The following LIMCH1 variants were observed in gnomAD, a reference collection of about 807,000 sequenced individuals.
LIMCH1 encodes LIM and calponin homology domains 1.
LIMCH1 carries 113 observed loss-of-function variants against 176.5 expected under a neutral mutation model. The observed-to-expected ratio is 0.64, with a 90% CI of 0.55 to 0.75. LIMCH1 has a LOEUF of 0.75. Ranked by LOEUF, LIMCH1 falls within the 30% of genes least tolerant of loss-of-function variation. The probability of loss-of-function intolerance (pLI) is 0.00; values close to 1 mark genes in which losing one functional copy is unlikely to be tolerated. For missense variants in LIMCH1, 1,674 were observed against 1,814.9 expected (o/e 0.92, Z 1.41); for synonymous variants, 619 against 645.9 (o/e 0.96, Z 0.63).
intron 1 of LIMCH1, among the ~76,000 whole-genome samples, chr4:41,489,669 TA>T (rs1561525468): frequency 8.5e-5 from 13 of 152,054 alleles, no homozygotes; most frequent in African/African-American, 4.8e-5. Context: ...TTCTTTTTTT[TA>T]TTTTTTTATT....
intron 1 of LIMCH1, among the ~76,000 whole-genome samples, chr4:41,373,206 G>C (rs751493003): frequency 2.6e-5 from 4 of 152,218 alleles, no homozygotes; most frequent in Non-Finnish European, 5.9e-5. Context: ...TATGTAAGCT[G>C]AGACCCCAAG....
At chr4:41,495,332 G>A (rs2071913969) in intron 2 of LIMCH1, among the ~76,000 whole-genome samples, 1 of 152,114 alleles carries the variant, frequency 6.6e-6, no homozygotes, top group Non-Finnish European at 1.5e-5. Flanking sequence ...GAAACACACA[G>A]CTCCTAACTG....
intron 1 of LIMCH1, among the ~76,000 whole-genome samples, chr4:41,372,730 A>G (rs1024919426): frequency 1.3e-5 from 2 of 151,998 alleles, no homozygotes; most frequent in African/African-American, 4.8e-5. Context: ...TTTCTGATCC[A>G]TTTTTCTTTG....
At chr4:41,663,467 C>T (rs2094704031) in intron 20 of LIMCH1, among the ~76,000 whole-genome samples, 1 of 152,164 alleles carries the variant, frequency 6.6e-6, no homozygotes, top group South Asian at 2.1e-4. Context: ...TGTCAGCTTA[C>T]TGGCTAGTCT....
chr4:41,455,585 T>C (rs1200147815), intron 1 of LIMCH1, among the ~76,000 whole-genome samples: 1 of 152,206 alleles, frequency 6.6e-6, no homozygotes, highest in Admixed American at 6.5e-5. Context: ...TTGAGTTGTC[T>C]GCTAGAGTTA....
intron 2 of LIMCH1, among the ~76,000 whole-genome samples, chr4:41,523,929 G>A (rs2076362181): frequency 1.3e-5 from 2 of 152,170 alleles, no homozygotes. Context: ...CATTGAAAAA[G>A]CCACTCTTCT....
intron 3 of LIMCH1, among the ~76,000 whole-genome samples, chr4:41,531,067 C>A (rs2077234026): frequency 6.6e-6 from 1 of 151,924 alleles, no homozygotes; most frequent in Non-Finnish European, 1.5e-5. Flanking sequence ...GTACTTGAAC[C>A]TGGGTTTGCC....
chr4:41,580,367 CAAG>C (rs2085217231), intron 1 of LIMCH1, among the ~76,000 whole-genome samples: 3 of 152,058 alleles, frequency 2.0e-5, no homozygotes, highest in Admixed American at 1.3e-4. Context: ...GAAATAATAA[CAAG>C]AAGGCAATTT....
chr4:41,392,422 G>T (rs1224401258), intron 1 of LIMCH1, among the ~76,000 whole-genome samples: 1 of 152,136 alleles, frequency 6.6e-6, no homozygotes. Context: ...AAACTCAATG[G>T]ATATTTTGGA....
intron 1 of LIMCH1, among the ~76,000 whole-genome samples, chr4:41,485,983 T>C (rs1020072350): frequency 2.0e-5 from 3 of 151,974 alleles, no homozygotes; most frequent in African/African-American, 7.3e-5. Context: ...TGTTGATAGG[T>C]GTGGTTAGGT....
chr4:41,386,599 T>C (rs2056530350), intron 1 of LIMCH1, among the ~76,000 whole-genome samples: 2 of 152,206 alleles, frequency 1.3e-5, no homozygotes, highest in African/African-American at 4.8e-5. Context: ...AATTAGTTTT[T>C]GTTGTTGTTC....
intron 1 of LIMCH1, among the ~76,000 whole-genome samples, chr4:41,556,480 T>G (rs147448391): frequency 1.5e-4 from 23 of 151,950 alleles, no homozygotes; most frequent in African/African-American, 4.6e-4. Context: ...TGGTTCTACC[T>G]TTTTGATCAT....
At chr4:41,427,919 C>T (rs2061257693) in intron 1 of LIMCH1, among the ~76,000 whole-genome samples, 1 of 149,080 alleles carries the variant, frequency 6.7e-6, no homozygotes, top group African/African-American at 2.5e-5. Context: ...ACCTTGTTTA[C>T]CTACAAAATG....
At chr4:41,411,783 C>T (rs1403269283) in intron 1 of LIMCH1, among the ~76,000 whole-genome samples, 1 of 151,374 alleles carries the variant, frequency 6.6e-6, no homozygotes, top group African/African-American at 2.4e-5. Context: ...AATGGTGAAA[C>T]CTTGTTTCTA....
Position 41,646,550 on chromosome 4 carries a change from G to A in LIMCH1, c.2477G>A (p.Gly826Glu). The change falls in exon 17 of 32, where the codon GGG becomes GAG. Residue 826 changes from glycine to glutamate, a missense_variant. Coordinates refer to ENST00000503057, the MANE Select transcript of LIMCH1 (RefSeq NM_001330672.2). ...GCTCGGTCCCAGGAGGAGGCAGAGG[G>A]GATCCTTCAACAGTACATTGAGAGG... ...KNARSQEEAE[G>E]ILQQYIERFT... 6.2e-7 allele frequency: 1 copy of A among 1,614,118 alleles called. No homozygotes were observed. Among genetic ancestry groups the A allele is most frequent in the African/African-American group, 1.3e-5 (1 of 75,024 alleles).
chr4:41,599,076 T>A, intron 2 of LIMCH1, 50 bp downstream of exon 2: 1 of 1,119,864 alleles, frequency 8.9e-7, no homozygotes, highest in Non-Finnish European at 1.4e-6. Context: ...ATAGTTTGAT[T>A]TGCAATTTTG....
At chr4:41,466,163 T>A (rs913966160) in intron 1 of LIMCH1, among the ~76,000 whole-genome samples, 1 of 152,202 alleles carries the variant, frequency 6.6e-6, no homozygotes, top group Non-Finnish European at 1.5e-5. Flanking sequence ...TTCACCATGT[T>A]GGCCAGGATG....
At chr4:41,571,247 A>G (rs2083505099) in intron 1 of LIMCH1, among the ~76,000 whole-genome samples, 3 of 152,098 alleles carry the variant, frequency 2.0e-5, no homozygotes, top group Non-Finnish European at 4.4e-5. Flanking sequence ...CTGGTGAGAA[A>G]AAGATGAAGA....
In LIMCH1 at chr4:41,692,388, A is replaced by C; in HGVS notation, c.4378+4A>C. ...GATTGCTACATGCGATCCAGAAGTA[A>C]GTACTGGGGAGAATGCCTCATGATG... On this transcript the variant is annotated splice_donor_region_variant and intron_variant, in intron 31 of 31. Transcript: ENST00000503057. The C allele has an allele frequency of 6.4e-7, 1 of 1,569,334 alleles. No individual in the cohort carries two copies. Among genetic ancestry groups the C allele is most frequent in the South Asian group, 1.1e-5 (1 of 90,248 alleles).
Sources: gnomAD v4.1 joint callset for allele counts (sites outside exome capture counted in the v4.1 genomes callset) on GRCh38, gnomAD v4.1.1 for gene constraint, MANE v1.5 for transcripts, NCBI Gene and HGNC (gene_info 2026-07-23, HGNC 2026-07-21) for gene names.